NALCN: variants seen among roughly 807,000 people sequenced by gnomAD.
NALCN encodes the protein sodium leak channel NALCN.
A neutral mutation model predicts 225.3 loss-of-function variants in NALCN; 111 were observed. The ratio of observed to expected loss-of-function variants is 0.49; its 90% CI spans 0.42 to 0.58. NALCN has a LOEUF of 0.58. Among genes scored for constraint, NALCN ranks in the 20% least tolerant of loss-of-function variants. NALCN has a pLI of 0.00. For missense variants in NALCN, 1,378 were observed against 2,202.4 expected (o/e 0.63, Z 7.49); for synonymous variants, 764 against 769.0 (o/e 0.99, Z 0.11).
chr13:101,242,818 T>C lies in NALCN; in HGVS notation c.1267-4896A>G, dbSNP rs1209207680. Among the ~76,000 whole-genome samples the C allele has an allele frequency of 2.8e-5, 3 of 106,734 alleles. 1 individual carries two copies. The East Asian group carries it at 7.2e-4, about 26-fold the overall frequency. 70.0% of individuals were successfully genotyped at this position (106,734 alleles called of 152,430 possible). ...TTTTTAACACTGACAGATGAACATG[T>C]TGTCTGTGTTCAGATTCTGTAGTTG... On this transcript the variant is annotated intron_variant, in intron 11 of 43. Transcript: ENST00000251127.
At chr13:101,290,237 T>C (rs181451779) in intron 9 of NALCN, among the ~76,000 whole-genome samples, 3 of 152,324 alleles carry the variant, frequency 2.0e-5, no homozygotes, top group East Asian at 3.9e-4. Flanking sequence ...CCAAACACTA[T>C]TTTTTCCAGC....
chr13:101,289,290 A>G (rs2043458977), intron 9 of NALCN, among the ~76,000 whole-genome samples: 1 of 152,094 alleles, frequency 6.6e-6, no homozygotes, highest in Non-Finnish European at 1.5e-5. Context: ...GTTACATGTT[A>G]TATTATGGTC....
Position 101,309,272 on chromosome 13 carries a change from A to G in NALCN, c.800-16906T>C, listed in dbSNP as rs1368310181. Among the ~76,000 whole-genome samples the G allele has an allele frequency of 3.3e-5, 5 of 152,218 alleles. No individual in the cohort carries two copies. In the East Asian group the frequency reaches 9.6e-4, roughly 29 times the overall value. On this transcript the variant is annotated intron_variant, in intron 7 of 43. Coordinates refer to ENST00000251127, the MANE Select transcript of NALCN (RefSeq NM_052867.4). ...AACATTACTAAACTCAGACATACCAAAGAAATTCACATTCTTGAAAGGACT... is the reference window on the plus strand; with the variant it reads ...AACATTACTAAACTCAGACATACCAGAGAAATTCACATTCTTGAAAGGACT...
At chr13:101,394,883 T>A (rs1207562650) in intron 3 of NALCN, among the ~76,000 whole-genome samples, 2 of 152,220 alleles carry the variant, frequency 1.3e-5, no homozygotes. Flanking sequence ...GGTTGTGGGC[T>A]CAGCCCTAAG....
chr13:101,386,859 A>G (rs1184868234), intron 3 of NALCN, among the ~76,000 whole-genome samples: 1 of 152,098 alleles, frequency 6.6e-6, no homozygotes, highest in African/African-American at 2.4e-5. Context: ...GCAAAAATAC[A>G]TTGGTTTGCT....
chr13:101,297,393 T>G (rs2043796255), intron 7 of NALCN, among the ~76,000 whole-genome samples: 1 of 152,226 alleles, frequency 6.6e-6, no homozygotes, highest in Admixed American at 6.5e-5. Flanking sequence ...TCACCTTCAC[T>G]CCCACACTCA....
chr13:101,057,589 C>T (rs1047994792), intron 43 of NALCN: 7 of 263,482 alleles, frequency 2.7e-5, no homozygotes, highest in Non-Finnish European at 5.1e-5. Flanking sequence ...CATCTGCCCA[C>T]TCCCTCTTCA....
intron 17 of NALCN, among the ~76,000 whole-genome samples, chr13:101,128,107 T>C (rs985070256): frequency 1.3e-5 from 2 of 152,140 alleles, no homozygotes; most frequent in Non-Finnish European, 2.9e-5. Flanking sequence ...ATATCAGAGA[T>C]GTGGGAATAA....
rs1467165402 is a variant in NALCN, at chr13:101,243,280, T to TA, written c.1267-5359dup. Among the ~76,000 whole-genome samples the TA allele has an allele frequency of 1.9e-5, 2 of 104,042 alleles. 1 individual carries two copies. Among genetic ancestry groups the TA allele is most frequent in the African/African-American group, 6.9e-5 (2 of 28,818 alleles). The allele number at this position is 104,042 out of a possible 152,430, so 68.3% of individuals were successfully genotyped here. A position where few individuals can be genotyped will look rare whatever the true frequency, so the allele number is the denominator to read the frequency against. ...TTTTTTCCTGCTTCATCTCCCATAT[T>TA]AAAAACTAGCTCTCAAGGACTATGC... On this transcript the variant is annotated intron_variant, in intron 11 of 43. Coordinates refer to ENST00000251127, the MANE Select transcript of NALCN (RefSeq NM_052867.4).
At chr13:101,135,482 T>A (rs2036738064) in intron 17 of NALCN, among the ~76,000 whole-genome samples, 1 of 152,188 alleles carries the variant, frequency 6.6e-6, no homozygotes, top group Admixed American at 6.5e-5. Flanking sequence ...CACTGCAACC[T>A]CCGCCCCCTG....
intron 14 of NALCN, among the ~76,000 whole-genome samples, chr13:101,191,467 T>C (rs989206041): frequency 6.6e-6 from 1 of 152,156 alleles, no homozygotes; most frequent in African/African-American, 2.4e-5. Flanking sequence ...ACCACTGTGC[T>C]GATTTCTAAT....
intron 15 of NALCN, among the ~76,000 whole-genome samples, chr13:101,151,094 T>C (rs1225365545): frequency 1.3e-5 from 2 of 152,190 alleles, no homozygotes; most frequent in East Asian, 3.9e-4. Flanking sequence ...AACCTTGAGC[T>C]TTAAAACTAG....
intron 11 of NALCN, among the ~76,000 whole-genome samples, chr13:101,248,027 T>C (rs932027622): frequency 6.6e-6 from 1 of 152,216 alleles, no homozygotes; most frequent in Non-Finnish European, 1.5e-5. Flanking sequence ...TAGTATTCCA[T>C]AGTGTATACG....
At chr13:101,325,468 A>C (rs1412529857) in intron 7 of NALCN, among the ~76,000 whole-genome samples, 1 of 152,204 alleles carries the variant, frequency 6.6e-6, no homozygotes, top group Non-Finnish European at 1.5e-5. Context: ...TGCCCCTTAC[A>C]CAAAACAGCC....
chr13:101,117,098 T>G (rs914745198), intron 18 of NALCN: 1 of 395,660 alleles, frequency 2.5e-6, no homozygotes, highest in African/African-American at 2.1e-5. Flanking sequence ...TCTGGCTCTT[T>G]CATAGCAACT....
chr13:101,288,730 T>C (rs1224170531), intron 9 of NALCN, among the ~76,000 whole-genome samples: 1 of 152,224 alleles, frequency 6.6e-6, no homozygotes, highest in Non-Finnish European at 1.5e-5. Context: ...TTCAATATGA[T>C]CCTATTGGAT....
chr13:101,338,156 G>A (rs1439351012), intron 7 of NALCN, among the ~76,000 whole-genome samples: 1 of 152,162 alleles, frequency 6.6e-6, no homozygotes, highest in Non-Finnish European at 1.5e-5. Context: ...CTTTACCTTC[G>A]ACTTTTGAAT....
intron 6 of NALCN, among the ~76,000 whole-genome samples, chr13:101,346,083 C>CTATATA (rs1241006587): frequency 3.2e-4 from 27 of 84,300 alleles, no homozygotes; most frequent in Middle Eastern, 5.3e-3. Context: ...CTCTCTCTCT[C>CTATATA]TCTCTATATA....
At position 101,399,167 on chromosome 13, in the gene NALCN, TG is replaced by T; in HGVS notation, c.-39-3del. 6.2e-7 allele frequency: 1 copy of T among 1,609,008 alleles called. No homozygotes were observed. The highest frequency in any genetic ancestry group is 2.2e-5 in the East Asian group (1 of 44,736). On this transcript the variant is annotated splice_region_variant and splice_polypyrimidine_tract_variant and intron_variant, in intron 1 of 43. Coordinates refer to ENST00000251127, the MANE Select transcript of NALCN (RefSeq NM_052867.4). ...GGTGAGCAAGCACAAAACCACAGTC[TG>T]GGAAAAGGAAAAGTTGTATTTGTCA...
Sources: allele counts gnomAD v4.1 joint callset (sites outside exome capture counted in the v4.1 genomes callset), GRCh38; gene constraint gnomAD v4.1.1; transcripts MANE v1.5; gene names NCBI Gene and HGNC (gene_info 2026-07-23, HGNC 2026-07-21).